The following ELMO1 variants were observed in gnomAD, a reference collection of about 807,000 sequenced individuals.
ELMO1 encodes the protein engulfment and cell motility 1.
A neutral mutation model predicts 98.9 loss-of-function variants in ELMO1; 26 were observed. The observed-to-expected ratio is 0.26, with a 90% CI of 0.19 to 0.36. ELMO1 has a LOEUF of 0.36. ELMO1 is among the 10% of genes least tolerant of loss of function. The pLI is 1.00. For missense variants in ELMO1, 627 were observed against 935.2 expected, an observed-to-expected ratio of 0.67 and a Z score of 4.30; for synonymous variants, 346 against 346.0, an observed-to-expected ratio of 1.00 and a Z score of 0.00.
At chr7:36,915,352 A>G (rs1302524628) in intron 16 of ELMO1, among the ~76,000 whole-genome samples, 1 of 152,208 alleles carries the variant, frequency 6.6e-6, no homozygotes, top group Non-Finnish European at 1.5e-5. Flanking sequence ...CATATTTGAA[A>G]CAAAATTTCT....
intron 1 of ELMO1, among the ~76,000 whole-genome samples, chr7:37,395,931 T>C (rs546434065): frequency 2.4e-4 from 36 of 151,484 alleles, no homozygotes; most frequent in African/African-American, 8.5e-4. Flanking sequence ...AGTGTCATAG[T>C]TTTTTGTAGG....
intron 15 of ELMO1, among the ~76,000 whole-genome samples, chr7:37,069,525 G>C (rs1797160536): frequency 6.6e-6 from 1 of 152,150 alleles, no homozygotes. Flanking sequence ...CCCTAGAAGA[G>C]AAATTCTCAA....
intron 10 of ELMO1, 64 bp downstream of exon 10, chr7:37,222,551 G>T: frequency 6.7e-7 from 1 of 1,489,266 alleles, no homozygotes; most frequent in South Asian, 1.2e-5. Flanking sequence ...GAAGGAGAGG[G>T]CGTTCTCTGC....
At chr7:37,266,192 G>C (rs1796233619) in intron 5 of ELMO1, among the ~76,000 whole-genome samples, 1 of 151,864 alleles carries the variant, frequency 6.6e-6, no homozygotes, top group South Asian at 2.1e-4. Context: ...TAGAATTTAA[G>C]GCATGTTACA....
intron 13 of ELMO1, 32 bp downstream of exon 13, chr7:37,211,354 G>A (rs772685950): frequency 3.1e-6 from 5 of 1,613,522 alleles, no homozygotes; most frequent in Non-Finnish European, 3.4e-6. Context: ...GGAGGCTGGA[G>A]GGAGAGCGCA....
intron 13 of ELMO1, among the ~76,000 whole-genome samples, chr7:37,191,005 C>T (rs895809431): frequency 1.5e-4 from 23 of 151,014 alleles, no homozygotes; most frequent in Admixed American, 5.3e-4. Flanking sequence ...CCGGCTAACA[C>T]GGTGAAACCC....
chr7:37,182,978 T>C (rs560122210), intron 13 of ELMO1, among the ~76,000 whole-genome samples: 44 of 152,346 alleles, frequency 2.9e-4, no homozygotes, highest in African/African-American at 9.9e-4. Flanking sequence ...TCTTCTTTTT[T>C]TTCCTGGAGA....
intron 21 of ELMO1, among the ~76,000 whole-genome samples, chr7:36,860,693 C>G (rs568366469): frequency 6.6e-6 from 1 of 152,234 alleles, no homozygotes; most frequent in East Asian, 1.9e-4. Flanking sequence ...AAAACAGAAA[C>G]AGTAGAACAC....
At chr7:37,359,791 A>C (rs1801629849) in intron 1 of ELMO1, among the ~76,000 whole-genome samples, 1 of 152,242 alleles carries the variant, frequency 6.6e-6, no homozygotes, top group Non-Finnish European at 1.5e-5. Flanking sequence ...GCTGGTTCAC[A>C]GGGAAGAAAA....
At chr7:37,226,320 C>A (rs2130570948) in intron 8 of ELMO1, among the ~76,000 whole-genome samples, 1 of 152,162 alleles carries the variant, frequency 6.6e-6, no homozygotes, top group Non-Finnish European at 1.5e-5. Context: ...TGGCTAATAA[C>A]CTTCTCCGAC....
chr7:36,919,486 C>A (rs1468288878), intron 16 of ELMO1: 3 of 473,094 alleles, frequency 6.3e-6, no homozygotes, highest in African/African-American at 2.0e-5. Flanking sequence ...GGATTTGAAA[C>A]CTGGTTCTCT....
In ELMO1 at chr7:37,259,350, C is replaced by G; in HGVS notation, c.244G>C (p.Ala82Pro). 1 of 1,612,816 alleles carries G rather than the reference C, an allele frequency of 6.2e-7. No homozygotes were observed. Among genetic ancestry groups the G allele is most frequent in the South Asian group, 1.1e-5 (1 of 90,974 alleles). Residue 82 changes from alanine to proline, a missense_variant and splice_region_variant, in exon 6 of 22, where the codon GCT becomes CCT. Ala to Pro is a conservative substitution (Grantham distance 27). Transcript: ENST00000310758. ...GTILRLTTSP[A>P]QNAQQLHERI... The stretch of plus-strand genomic sequence containing the variant: ...TCATGGAGCTGCTGGGCGTTCTGAG[C>G]CTTATGGGGCAAAAGCAAAGGGAAG...
chr7:37,428,372 A>T (rs1215454573), intron 1 of ELMO1, among the ~76,000 whole-genome samples: 1 of 152,174 alleles, frequency 6.6e-6, no homozygotes, highest in Non-Finnish European at 1.5e-5. Flanking sequence ...ACTCAAGCTA[A>T]TGAATCCAGT....
chr7:37,352,103 T>C (rs1310584594), intron 1 of ELMO1, among the ~76,000 whole-genome samples: 1 of 152,236 alleles, frequency 6.6e-6, no homozygotes, highest in East Asian at 1.9e-4. Flanking sequence ...TATATACTTT[T>C]AGAGACAATT....
intron 16 of ELMO1, among the ~76,000 whole-genome samples, chr7:36,987,511 T>C (rs1791598547): frequency 6.6e-6 from 1 of 152,134 alleles, no homozygotes; most frequent in Non-Finnish European, 1.5e-5. Flanking sequence ...CTTGGCATCA[T>C]AACAACCTCA....
At chr7:37,421,525 C>G (rs1271916872) in intron 1 of ELMO1, among the ~76,000 whole-genome samples, 1 of 152,204 alleles carries the variant, frequency 6.6e-6, no homozygotes, top group African/African-American at 2.4e-5. Flanking sequence ...TGCTATAAAT[C>G]TTTCCCTGTG....
At chr7:37,177,009 T>C (rs930921243) in intron 13 of ELMO1, among the ~76,000 whole-genome samples, 3 of 152,080 alleles carry the variant, frequency 2.0e-5, no homozygotes, top group African/African-American at 7.2e-5. Context: ...GTGGGAAAAG[T>C]GACCCAGCAG....
intron 16 of ELMO1, among the ~76,000 whole-genome samples, chr7:36,960,599 T>TC (rs1173897320): frequency 6.9e-6 from 1 of 144,228 alleles, no homozygotes; most frequent in African/African-American, 2.6e-5. Flanking sequence ...CAGCCCCCCA[T>TC]CCCCCCCACT....
At chr7:37,062,812 T>A (rs1796737556) in intron 15 of ELMO1, among the ~76,000 whole-genome samples, 1 of 152,166 alleles carries the variant, frequency 6.6e-6, no homozygotes, top group Non-Finnish European at 1.5e-5. Flanking sequence ...GGTCGAACTT[T>A]GTATTAACTG....
Sources: allele counts gnomAD v4.1 joint callset (sites outside exome capture counted in the v4.1 genomes callset), GRCh38; gene constraint gnomAD v4.1.1; transcripts MANE v1.5; gene names NCBI Gene and HGNC (gene_info 2026-07-23, HGNC 2026-07-21).